The following ITGA3 variants were observed in gnomAD, a reference collection of about 807,000 sequenced individuals.
The protein encoded by ITGA3 is integrin alpha-3.
In ITGA3, 70 loss-of-function variants were observed where a neutral mutation model predicts 131.1. The ratio of observed to expected loss-of-function variants is 0.53; its 90% CI spans 0.44 to 0.65. ITGA3 has a LOEUF of 0.65. Ranked by LOEUF, ITGA3 falls within the 30% of genes least tolerant of loss-of-function variation. The pLI is 0.00. For synonymous variants in ITGA3, 537 were observed against 571.6 expected, an observed-to-expected ratio of 0.94 and a Z score of 0.86; for missense variants, 1,098 against 1,388.6, an observed-to-expected ratio of 0.79 and a Z score of 3.33.
rs773879765 is a variant in ITGA3, at chr17:50,087,748, C to T, written c.2924C>T (p.Ser975Phe). 1.9e-6 allele frequency: 3 copies of T among 1,613,218 alleles called. No homozygotes were observed. The highest frequency in any genetic ancestry group is 2.5e-6 in the Non-Finnish European group (3 of 1,179,792). The change falls in exon 24 of 26, where the codon TCT becomes TTT. Residue 975 changes from serine (S) to phenylalanine (F), a missense_variant. Transcript: ENST00000320031. The stretch of plus-strand genomic sequence containing the variant: ...GTCCTCCTCTCCCCGCTCCAGTTCT[C>T]TGTGGACATTGACTCGGAGCTGGTG... ...INMENKTTWFSVDIDSELVEE... is the reference protein window; with the variant it reads ...INMENKTTWFFVDIDSELVEE...
chr17:50,064,508 G>T lies in ITGA3; in HGVS notation c.335-20G>T, dbSNP rs1326727783. On this transcript the variant is annotated intron_variant, in intron 2 of 25. Coordinates refer to ENST00000320031, the MANE Select transcript of ITGA3 (RefSeq NM_002204.4). This position sits in a 1 kb window ranked among gnomAD's most constrained non-coding sequence, Gnocchi z 4.4. Reference sequence around the variant, plus strand: ...GTATGGGTGAGGTGCTCTGATTCATGATCCTTCCGGTGCCCACAGATGACC... The same window carrying T: ...GTATGGGTGAGGTGCTCTGATTCATTATCCTTCCGGTGCCCACAGATGACC... 1 of 1,604,202 alleles carries T rather than the reference G, an allele frequency of 6.2e-7. No individual in the cohort carries two copies. The highest frequency in any genetic ancestry group is 8.5e-7 in the Non-Finnish European group (1 of 1,175,884).
intron 6 of ITGA3, 27 bp from the exon 7 acceptor site, chr17:50,071,959 C>CTCCCATT: frequency 6.3e-7 from 1 of 1,598,636 alleles, no homozygotes; most frequent in Non-Finnish European, 8.6e-7. Flanking sequence ...TGACCTCACA[C>CTCCCATT]TCCCATTTCC....
Position 50,064,781 on chromosome 17 carries a change from G to T in ITGA3, c.414+174G>T. ...CCTCGCTCTCTGCACTCCTGGGGAGGGGGTGAGTATCCTGTGCTCTCCCAA... is the reference window on the plus strand; with the variant it reads ...CCTCGCTCTCTGCACTCCTGGGGAGTGGGTGAGTATCCTGTGCTCTCCCAA... On this transcript the variant is annotated intron_variant, in intron 3 of 25. Coordinates refer to ENST00000320031, the MANE Select transcript of ITGA3 (RefSeq NM_002204.4). The surrounding 1 kb of genome is among the most constrained non-coding windows in gnomAD (Gnocchi z 4.4). 3.4e-6 allele frequency: 2 copies of T among 580,408 alleles called. No homozygotes were observed. Among genetic ancestry groups the T allele is most frequent in the Non-Finnish European group, 6.1e-6 (2 of 329,480 alleles). The allele number at this position is 580,408 out of a possible 1,614,324, so 36.0% of individuals were successfully genotyped here.
rs762420164 is a variant in ITGA3, at chr17:50,071,941, T to G, written c.960-45T>G. On this transcript the variant is annotated intron_variant, in intron 6 of 25. Coordinates refer to ENST00000320031, the MANE Select transcript of ITGA3 (RefSeq NM_002204.4). ...TGTCAAACAAGAACTATGCTGCATA[T>G]TGGAGGCTGACCTCACACTCCCATT... 5 of 1,545,072 alleles carry G rather than the reference T, an allele frequency of 3.2e-6. No homozygotes were observed. The African/African-American group carries it at 4.1e-5, about 13-fold the overall frequency.
intron 22 of ITGA3, 181 bp from the exon 23 acceptor site, chr17:50,081,129 G>T: frequency 1.7e-6 from 1 of 574,678 alleles, no homozygotes; most frequent in Non-Finnish European, 3.1e-6. Context: ...AGAAATGAAT[G>T]AACAAATAAA....
At chr17:50,076,263 G>A (rs1908884300) in intron 12 of ITGA3, 63 bp from the exon 13 acceptor site, 1 of 1,562,118 alleles carries the variant, frequency 6.4e-7, no homozygotes, top group African/African-American at 1.3e-5. Flanking sequence ...TCAGGGTGGT[G>A]TGAGGATTCA....
Position 50,056,354 on chromosome 17 carries a change from C to A in ITGA3, c.-86C>A. On this transcript the variant is annotated 5_prime_UTR_variant, in exon 1 of 26. Coordinates refer to ENST00000320031, the MANE Select transcript of ITGA3 (RefSeq NM_002204.4). The surrounding 1 kb of genome is among the most constrained non-coding windows in gnomAD (Gnocchi z 5.6). ...GCCGGCGGGTTCCAGTGTCCTCCGG[C>A]GGCGCGGGGAGCAGGTGAACAGGTC... 1.0e-6 allele frequency: 1 copy of A among 974,616 alleles called. No individual in the cohort carries two copies. Among genetic ancestry groups the A allele is most frequent in the Non-Finnish European group, 1.4e-6 (1 of 706,868 alleles). 60.4% of individuals were successfully genotyped at this position (974,616 alleles called of 1,614,324 possible).
chr17:50,075,628 G>C lies in ITGA3; in HGVS notation c.1567G>C (p.Asp523His). 1 of 1,614,118 alleles carries C rather than the reference G, an allele frequency of 6.2e-7. No homozygotes were observed. The highest frequency in any genetic ancestry group is 8.5e-7 in the Non-Finnish European group (1 of 1,180,052). The stretch of plus-strand genomic sequence containing the variant: ...GGCCTACACTCTGGAGGCTGACAGG[G>C]ACCGCCGGCCGCCCCGGCTCCGCTT... ...TLAYTLEADRDRRPPRLRFAG... is the reference protein window; with the variant it reads ...TLAYTLEADRHRRPPRLRFAG... Residue 523 changes from aspartate (D) to histidine (H), a missense_variant, in exon 12 of 26, where the codon GAC becomes CAC. By Grantham distance (81) the Asp-to-His change is moderately conservative. Around this residue, in one of 3 missense-constraint regions of ITGA3, gnomAD observed 699 missense variants for 829.2 expected, o/e 0.84. Transcript: ENST00000320031.
chr17:50,063,945 C>T (rs1908205475), intron 1 of ITGA3, 132 bp from the exon 2 acceptor site: 3 of 1,257,822 alleles, frequency 2.4e-6, no homozygotes, highest in African/African-American at 1.5e-5. Context: ...CTACACTGGG[C>T]ACTTCTGGAG....
intron 22 of ITGA3, among the ~76,000 whole-genome samples, chr17:50,080,617 CCCAGGGTGTT>C (rs1909149878): frequency 6.6e-6 from 1 of 152,042 alleles, no homozygotes; most frequent in East Asian, 1.9e-4. Context: ...CATGCCTTTC[CCCAGGGTGTT>C]CCTTAACCCT....
chr17:50,078,766 C>T (rs1909041534), intron 18 of ITGA3, 58 bp from the exon 19 acceptor site: 4 of 1,028,534 alleles, frequency 3.9e-6, no homozygotes, highest in Non-Finnish European at 4.5e-6. Flanking sequence ...GCCCACCCCC[C>T]TCTGCCAGGG....
rs201085427 is a variant in ITGA3, at chr17:50,074,135, T to C, written c.1246-9T>C. The C allele has an allele frequency of 6.2e-7, 1 of 1,612,324 alleles. No homozygotes were observed. Among genetic ancestry groups the C allele is most frequent in the East Asian group, 2.2e-5 (1 of 44,870 alleles). The stretch of plus-strand genomic sequence containing the variant: ...AGAGCCTGCCCCCACCACTTTCCCC[T>C]GCCCCCAGGTAATCCATGGAGAGAA... On this transcript the variant is annotated splice_polypyrimidine_tract_variant and intron_variant, in intron 8 of 25. Transcript: ENST00000320031.
At chr17:50,074,712 A>G (rs1363613017) in intron 10 of ITGA3, among the ~76,000 whole-genome samples, 178 bp downstream of exon 10, 1 of 152,156 alleles carries the variant, frequency 6.6e-6, no homozygotes, top group Non-Finnish European at 1.5e-5. Context: ...TGTAAGAGGT[A>G]ATGGATGAAG....
intron 22 of ITGA3, 91 bp downstream of exon 22, chr17:50,080,466 GTGTGTGTGTGTGTGTGT>G: frequency 1.0e-5 from 1 of 96,818 alleles, no homozygotes; most frequent in Admixed American, 1.1e-4. Flanking sequence ...TAGCATGGGT[GTGTGTGTGTGTGTGTGT>G]GTGTGTGTGT....
rs953762689 is a variant in ITGA3, at chr17:50,058,164, C to T, written c.206+1519C>T. On this transcript the variant is annotated intron_variant, in intron 1 of 25. Transcript: ENST00000320031. ...AACCCTTTTGCCTGGTGACCTTGAG[C>T]AAGATATTTCCCCTCCCTGGGCCAG... Among the ~76,000 whole-genome samples the T allele has an allele frequency of 2.6e-5, 4 of 152,246 alleles. No individual in the cohort carries two copies. In the East Asian group the frequency reaches 7.7e-4, roughly 29 times the overall value.
Position 50,079,519 on chromosome 17 carries a change from C to T in ITGA3, c.2668C>T (p.Leu890=), listed in dbSNP as rs1909087353. Residue 890 remains leucine, a synonymous_variant, in exon 21 of 26, where the codon CTG becomes TTG. Transcript: ENST00000320031. ...AGGCCAGGGCCCCCCACCTGTCACT[C>T]TGGCTGCTGCCAAAAAAGCCAAGTC... ...GGGQGPPPVT[L]AAAKKAKSET... The T allele has an allele frequency of 6.4e-7, 1 of 1,566,908 alleles. No homozygotes were observed. The highest frequency in any genetic ancestry group is 8.6e-7 in the Non-Finnish European group (1 of 1,158,688).
intron 10 of ITGA3, among the ~76,000 whole-genome samples, chr17:50,075,155 T>C (rs1280607795): frequency 1.3e-5 from 2 of 152,160 alleles, no homozygotes; most frequent in African/African-American, 4.8e-5. Flanking sequence ...GGACTGGGGA[T>C]TGGCCGACCT....
chr17:50,056,410 C>G lies in ITGA3; in HGVS notation c.-30C>G. On this transcript the variant is annotated 5_prime_UTR_variant, in exon 1 of 26. Transcript: ENST00000320031. The surrounding 1 kb of genome is among the most constrained non-coding windows in gnomAD (Gnocchi z 5.6). Reference sequence around the variant, plus strand: ...GCCCAGCTCCGCGCCCTCACGCGCTCTCGCCGGGACCCCGCTTCCGCTGGC... The same window carrying G: ...GCCCAGCTCCGCGCCCTCACGCGCTGTCGCCGGGACCCCGCTTCCGCTGGC... 5 of 1,434,016 alleles carry G rather than the reference C, an allele frequency of 3.5e-6. No individual in the cohort carries two copies. The highest frequency in any genetic ancestry group is 3.6e-6 in the Non-Finnish European group (4 of 1,097,448). 88.8% of individuals were successfully genotyped at this position (1,434,016 alleles called of 1,614,324 possible).
chr17:50,064,427 G>A lies in ITGA3; in HGVS notation c.335-101G>A. 1 of 1,234,134 alleles carries A rather than the reference G, an allele frequency of 8.1e-7. No individual in the cohort carries two copies. 76.4% of individuals were successfully genotyped at this position (1,234,134 alleles called of 1,614,324 possible). A position where few individuals can be genotyped will look rare whatever the true frequency, so the allele number is the denominator to read the frequency against. ...AGGGGAGTTGGGAGGGCTGCCCTGT[G>A]GGTGGAGGGCCCAAGCGGGACCCAC... On this transcript the variant is annotated intron_variant, in intron 2 of 25. Coordinates refer to ENST00000320031, the MANE Select transcript of ITGA3 (RefSeq NM_002204.4). This position sits in a 1 kb window ranked among gnomAD's most constrained non-coding sequence, Gnocchi z 4.4.
Sources: gnomAD v4.1 joint callset for allele counts (sites outside exome capture counted in the v4.1 genomes callset) on GRCh38, gnomAD v4.1.1 for gene constraint, gnomAD v4.1.1 regional missense constraint, Gnocchi (gnomAD v3.1) non-coding constraint, MANE v1.5 for transcripts, NCBI Gene and HGNC (gene_info 2026-07-23, HGNC 2026-07-21) for gene names.